Variants in UNC13C observed in about 807,000 individuals in gnomAD.
The protein encoded by UNC13C is unc-13 homolog C, also known as protein unc-13 homolog C.
UNC13C carries 174 observed loss-of-function variants against 245.4 expected under a neutral mutation model. The ratio of observed to expected loss-of-function variants is 0.71; its 90% confidence interval spans 0.63 to 0.80. The LOEUF is 0.80. Among genes scored for constraint, UNC13C ranks in the 30% least tolerant of loss-of-function variants. The pLI, the probability that UNC13C is intolerant of heterozygous loss-of-function variation, is 0.00. For synonymous variants in UNC13C, 992 were observed against 895.1 expected, an observed-to-expected ratio of 1.11 and a Z score of -1.93; for missense variants, 2,829 against 2,602.9, an observed-to-expected ratio of 1.09 and a Z score of -1.89.
At chr15:54,259,732 CA>C in intron 8 of UNC13C, among the ~76,000 whole-genome samples, 1 of 152,160 alleles carries the variant, frequency 6.6e-6, no homozygotes, top group Non-Finnish European at 1.5e-5. Context: ...TTATAGTTGG[CA>C]TTCATGTTCT....
intron 4 of UNC13C, among the ~76,000 whole-genome samples, chr15:54,148,529 CCT>C (rs2032378628): frequency 1.3e-5 from 2 of 152,168 alleles, no homozygotes; most frequent in South Asian, 4.1e-4. Flanking sequence ...ACACTCTCTT[CCT>C]CTTTCATAGT....
chr15:54,568,035 T>G (rs1291949253), intron 30 of UNC13C, 88 bp downstream of exon 30: 13 of 1,078,588 alleles, frequency 1.2e-5, no homozygotes, highest in Non-Finnish European at 1.5e-5. Flanking sequence ...GTCCCAATAA[T>G]TTTTTGCTGT....
Position 54,627,289 on chromosome 15 carries a change from AT to A in UNC13C, c.*177del. ...TTATACCAATTCTGGTCTTTGGGAA[AT>A]CAGTGTTCCATGAAGTGCCAAAATT... On this transcript the variant is annotated 3_prime_UTR_variant, in exon 33 of 33. Transcript: ENST00000260323. 1.7e-6 allele frequency: 1 copy of A among 603,674 alleles called. No homozygotes were observed. The allele number at this position is 603,674 out of a possible 1,614,324, so 37.4% of individuals were successfully genotyped here.
intron 4 of UNC13C, among the ~76,000 whole-genome samples, chr15:54,183,025 G>T (rs1045982527): frequency 6.6e-6 from 1 of 151,534 alleles, no homozygotes; most frequent in Non-Finnish European, 1.5e-5. Flanking sequence ...TTAATATCTA[G>T]AATAACCACT....
chr15:54,614,952 C>T (rs1429502583), intron 30 of UNC13C, among the ~76,000 whole-genome samples: 1 of 151,972 alleles, frequency 6.6e-6, no homozygotes, highest in African/African-American at 2.4e-5. Context: ...CCAGTGAGTT[C>T]TGAAGATAGT....
At chr15:53,970,607 C>T in the UNC13C span, among the ~76,000 whole-genome samples, 1 of 151,988 alleles carries the variant, frequency 6.6e-6, no homozygotes, top group Non-Finnish European at 1.5e-5. Context: ...CATGTTCTTA[C>T]TTATAAGTGG....
intron 4 of UNC13C, among the ~76,000 whole-genome samples, chr15:54,192,359 TC>T (rs2034213505): frequency 6.6e-6 from 1 of 152,128 alleles, no homozygotes; most frequent in Non-Finnish European, 1.5e-5. Flanking sequence ...GATGGGTTTT[TC>T]TTGTGTCATC....
At chr15:54,322,472 G>A (rs138208814) in intron 14 of UNC13C, among the ~76,000 whole-genome samples, 1 of 151,906 alleles carries the variant, frequency 6.6e-6, no homozygotes, top group Non-Finnish European at 1.5e-5. Context: ...GCCATCTCTG[G>A]AACATATTAG....
At chr15:54,599,527 A>G (rs1899287817) in intron 30 of UNC13C, among the ~76,000 whole-genome samples, 1 of 152,038 alleles carries the variant, frequency 6.6e-6, no homozygotes, top group Non-Finnish European at 1.5e-5. Context: ...CAGTAAGACT[A>G]TCCAAGTTTC....
intron 2 of UNC13C, among the ~76,000 whole-genome samples, chr15:54,058,929 T>G (rs1897668675): frequency 6.6e-6 from 1 of 152,140 alleles, no homozygotes; most frequent in African/African-American, 2.4e-5. Flanking sequence ...TGCTAAAAAC[T>G]CTCAATAAAT....
the UNC13C span, among the ~76,000 whole-genome samples, chr15:53,900,715 T>C: frequency 1.3e-5 from 2 of 152,150 alleles, no homozygotes; most frequent in African/African-American, 4.8e-5. Context: ...CTTTAAATCA[T>C]CCAACTTTTA....
At chr15:54,547,664 T>C (rs1197500321) in intron 27 of UNC13C, among the ~76,000 whole-genome samples, 1 of 152,190 alleles carries the variant, frequency 6.6e-6, no homozygotes, top group Admixed American at 6.5e-5. Context: ...GATGCAAATA[T>C]GCCTGTGTTT....
intron 17 of UNC13C, among the ~76,000 whole-genome samples, chr15:54,353,539 G>C (rs2039030009): frequency 2.0e-5 from 3 of 152,292 alleles, no homozygotes; most frequent in Middle Eastern, 6.8e-3. Context: ...TCGCAGCGAA[G>C]AGGTACGGTA....
chr15:53,941,306 T>C, the UNC13C span, among the ~76,000 whole-genome samples: 2 of 152,156 alleles, frequency 1.3e-5, no homozygotes, highest in African/African-American at 2.4e-5. Context: ...GAAGATGGAT[T>C]GAAGACTTAA....
chr15:54,307,548 C>T (rs1435268472), intron 13 of UNC13C, among the ~76,000 whole-genome samples: 1 of 151,788 alleles, frequency 6.6e-6, no homozygotes, highest in African/African-American at 2.4e-5. Context: ...CTAGTAAGCT[C>T]CTGATTTAGG....
At chr15:54,357,671 C>T (rs962049869) in intron 17 of UNC13C, among the ~76,000 whole-genome samples, 7 of 151,888 alleles carry the variant, frequency 4.6e-5, no homozygotes, top group African/African-American at 1.5e-4. Context: ...GAGGTATAAA[C>T]GTTTTAGGAG....
intron 1 of UNC13C, among the ~76,000 whole-genome samples, chr15:54,005,931 G>A (rs114699243): frequency 2.8e-3 from 429 of 152,204 alleles, no homozygotes; most frequent in African/African-American, 9.9e-3. Flanking sequence ...TTAAATCAAT[G>A]GGAAGGTTTG....
chr15:54,617,285 A>G (rs776105182), intron 30 of UNC13C, among the ~76,000 whole-genome samples: 5 of 152,114 alleles, frequency 3.3e-5, no homozygotes, highest in Admixed American at 3.3e-4. Context: ...TAGTGTAGCC[A>G]TATTTTAAAT....
intron 17 of UNC13C, among the ~76,000 whole-genome samples, chr15:54,361,486 T>C (rs2039229803): frequency 6.6e-6 from 1 of 152,234 alleles, no homozygotes; most frequent in Admixed American, 6.5e-5. Context: ...AGACATTTCA[T>C]AGATACTCAA....
Sources: gnomAD v4.1 joint callset for allele counts (sites outside exome capture counted in the v4.1 genomes callset) on GRCh38, gnomAD v4.1.1 for gene constraint, MANE v1.5 for transcripts, NCBI Gene and HGNC (gene_info 2026-07-23, HGNC 2026-07-21) for gene names.